The following DCLK1 variants were observed in gnomAD, a reference collection of about 807,000 sequenced individuals.
DCLK1 encodes the protein serine/threonine-protein kinase DCLK1.
Under a neutral mutation model 86.2 loss-of-function variants are expected in DCLK1, and 16 were observed. That is an observed-to-expected ratio of 0.19 (90% CI 0.13 to 0.28). DCLK1 has a LOEUF of 0.28. DCLK1 is among the 10% of genes least tolerant of loss of function. The pLI, the probability that DCLK1 is intolerant of heterozygous loss-of-function variation, is 1.00. For missense variants in DCLK1, 590 were observed against 940.2 expected (o/e 0.63, Z 4.87); for synonymous variants, 369 against 370.5 (o/e 1.00, Z 0.05).
chr13:36,110,682 T>G (rs756039388), intron 3 of DCLK1, among the ~76,000 whole-genome samples: 11 of 152,160 alleles, frequency 7.2e-5, no homozygotes, highest in Non-Finnish European at 1.6e-4. Flanking sequence ...TACAAATCAT[T>G]CAAATTATCC....
intron 4 of DCLK1, among the ~76,000 whole-genome samples, chr13:35,878,304 G>T (rs1167504361): frequency 6.6e-6 from 1 of 152,194 alleles, no homozygotes; most frequent in Non-Finnish European, 1.5e-5. Flanking sequence ...TTGAGGAAAG[G>T]ATGGGCCTGC....
At chr13:36,046,862 T>C (rs1369197367) in intron 3 of DCLK1, among the ~76,000 whole-genome samples, 2 of 152,150 alleles carry the variant, frequency 1.3e-5, no homozygotes, top group African/African-American at 2.4e-5. Context: ...GTGAGTGAAG[T>C]CAGAACCAAG....
At chr13:35,991,818 C>G (rs1684313648) in intron 3 of DCLK1, among the ~76,000 whole-genome samples, 1 of 152,120 alleles carries the variant, frequency 6.6e-6, no homozygotes, top group African/African-American at 2.4e-5. Flanking sequence ...GATTCCAGAT[C>G]ATTTTGTGAG....
intron 6 of DCLK1, 21 bp from the exon 7 acceptor site, chr13:35,839,197 G>A (rs1205037668): frequency 1.3e-6 from 2 of 1,558,690 alleles, no homozygotes; most frequent in Non-Finnish European, 1.7e-6. Context: ...ACAGAAACCG[G>A]TAATTCAAAA....
At chr13:36,126,758 C>T (rs909066922) in intron 1 of DCLK1, among the ~76,000 whole-genome samples, 2 of 152,210 alleles carry the variant, frequency 1.3e-5, no homozygotes, top group Non-Finnish European at 2.9e-5. Context: ...TAATCAGCCA[C>T]AAATTTGTTA....
At chr13:36,103,638 A>G (rs372347851) in intron 3 of DCLK1, among the ~76,000 whole-genome samples, 110 of 152,010 alleles carry the variant, frequency 7.2e-4, no homozygotes, top group African/African-American at 2.2e-3. Flanking sequence ...TTCCTATTTA[A>G]AATTGGATTT....
At position 35,782,377 on chromosome 13, in the gene DCLK1, T is replaced by G. The variant is rs185809173; in HGVS notation, c.2059-7678A>C. 2.0e-4 allele frequency among the ~76,000 whole-genome samples: 30 copies of G among 152,306 alleles called. 1 individual carries two copies. In the East Asian group the frequency reaches 5.8e-3, roughly 29 times the overall value. On this transcript the variant is annotated intron_variant, in intron 16 of 16. Transcript: ENST00000360631. Reference sequence around the variant, plus strand: ...TATAGGAGCCCAACCTCAGCGGAATTGCCATGTTTGTTCTCCATCATATCA... The same window carrying G: ...TATAGGAGCCCAACCTCAGCGGAATGGCCATGTTTGTTCTCCATCATATCA...
At chr13:35,927,948 C>T (rs1437782272) in intron 4 of DCLK1, among the ~76,000 whole-genome samples, 1 of 152,196 alleles carries the variant, frequency 6.6e-6, no homozygotes, top group Admixed American at 6.5e-5. Flanking sequence ...GGTGACGTGT[C>T]CTGATCCCAC....
In DCLK1 at chr13:35,857,273, C is replaced by T. The variant is rs928459281; in HGVS notation, c.941-2680G>A. Among the ~76,000 whole-genome samples the T allele has an allele frequency of 2.0e-5, 3 of 152,112 alleles. No homozygotes were observed. The East Asian group carries it at 5.8e-4, about 29-fold the overall frequency. The stretch of plus-strand genomic sequence containing the variant: ...ATTGTCATCAAACTGACCCTTTGCT[C>T]ATTTATAGTAAAAAACACACCCCTG... On this transcript the variant is annotated intron_variant, in intron 5 of 16. Coordinates refer to ENST00000360631, the MANE Select transcript of DCLK1 (RefSeq NM_001330071.2).
intron 3 of DCLK1, among the ~76,000 whole-genome samples, chr13:35,974,849 G>A (rs917805305): frequency 6.6e-6 from 1 of 152,122 alleles, no homozygotes. Flanking sequence ...TCAGACTTCT[G>A]ACCTCTAGCC....
chr13:35,847,823 G>A, intron 6 of DCLK1: 1 of 985,138 alleles, frequency 1.0e-6, no homozygotes, highest in Non-Finnish European at 1.2e-6. Flanking sequence ...GCACAGGGAT[G>A]TATACAGATG....
intron 16 of DCLK1, among the ~76,000 whole-genome samples, chr13:35,779,098 C>T (rs775158554): frequency 5.3e-5 from 8 of 152,026 alleles, no homozygotes; most frequent in African/African-American, 9.7e-5. Flanking sequence ...TCACTGCAAC[C>T]GCCACCTCCC....
intron 3 of DCLK1, among the ~76,000 whole-genome samples, chr13:36,096,347 A>C (rs2138149684): frequency 6.6e-6 from 1 of 152,340 alleles, no homozygotes; most frequent in Non-Finnish European, 1.5e-5. Flanking sequence ...AAAGAAGATA[A>C]GTATACACTG....
At chr13:36,084,096 T>G (rs535188576) in intron 3 of DCLK1, among the ~76,000 whole-genome samples, 1 of 152,316 alleles carries the variant, frequency 6.6e-6, no homozygotes, top group African/African-American at 2.4e-5. Flanking sequence ...AAACAGACAC[T>G]TAGGATTAGA....
At chr13:35,794,474 C>G (rs2086767285) in intron 15 of DCLK1, among the ~76,000 whole-genome samples, 1 of 152,206 alleles carries the variant, frequency 6.6e-6, no homozygotes. Context: ...GAAAATAAGT[C>G]TGCTGTTTCT....
chr13:36,087,315 C>A (rs890804175), intron 3 of DCLK1, among the ~76,000 whole-genome samples: 2 of 152,130 alleles, frequency 1.3e-5, no homozygotes, highest in Non-Finnish European at 2.9e-5. Context: ...ATGATAGAGA[C>A]TGTTTACATG....
At chr13:36,003,801 A>T (rs1593807809) in intron 3 of DCLK1, among the ~76,000 whole-genome samples, 1 of 152,232 alleles carries the variant, frequency 6.6e-6, no homozygotes, top group East Asian at 1.9e-4. Context: ...GATTGGAAGG[A>T]CTGAAAAGAT....
intron 6 of DCLK1, chr13:35,849,219 A>C (rs1038617942): frequency 7.4e-5 from 73 of 985,272 alleles, no homozygotes; most frequent in Non-Finnish European, 8.3e-5. Flanking sequence ...TAACATACGT[A>C]ACTATAAACC....
chr13:36,055,057 A>C (rs1234811554), intron 3 of DCLK1, among the ~76,000 whole-genome samples: 1 of 152,196 alleles, frequency 6.6e-6, no homozygotes, highest in Non-Finnish European at 1.5e-5. Context: ...AGCAAGAGAC[A>C]GATTTCACAA....
Sources: gnomAD v4.1 joint callset for allele counts (sites outside exome capture counted in the v4.1 genomes callset) on GRCh38, gnomAD v4.1.1 for gene constraint, MANE v1.5 for transcripts, NCBI Gene and HGNC (gene_info 2026-07-23, HGNC 2026-07-21) for gene names.